The following CCDC82 variants were observed in gnomAD, a reference collection of about 807,000 sequenced individuals.
CCDC82 encodes the protein coiled-coil domain containing 82.
In CCDC82, 47 loss-of-function variants were observed where a neutral mutation model predicts 60.6. That is an observed-to-expected ratio of 0.77 (90% CI 0.61 to 0.99). CCDC82 has a LOEUF of 0.99. Among genes scored for constraint, CCDC82 ranks in the 50% least tolerant of loss-of-function variants. The pLI is 0.00. For synonymous variants in CCDC82, 212 were observed against 207.4 expected (o/e 1.02, Z -0.19); for missense variants, 588 against 633.0 (o/e 0.93, Z 0.76).
At chr11:96,385,345 A>T (rs1866133368) in intron 3 of CCDC82, 1 of 152,444 alleles carries the variant, frequency 6.6e-6, no homozygotes, top group African/African-American at 2.4e-5. Context: ...AAAATGTATA[A>T]AAAAGAGTTT....
In CCDC82 at chr11:96,384,402, T is replaced by A; in HGVS notation, c.346A>T (p.Ile116Phe). 1 of 1,613,844 alleles carries A rather than the reference T, an allele frequency of 6.2e-7. No individual in the cohort carries two copies. Among genetic ancestry groups the A allele is most frequent in the East Asian group, 2.2e-5 (1 of 44,866 alleles). The change falls in exon 4 of 10, where the codon ATC becomes TTC. Residue 116 changes from isoleucine to phenylalanine, a missense_variant. Physicochemically the swap from Ile to Phe is conservative, Grantham distance 21. Coordinates refer to ENST00000646818, the MANE Select transcript of CCDC82 (RefSeq NM_024725.4). Reference protein sequence around the residue: ...GSTYEEETNKIKHRNIDLQDQ... With the variant: ...GSTYEEETNKFKHRNIDLQDQ... ...TGTAAGTCAATATTCCTATGTTTGA[T>A]TTTGTTCGTTTCTTCTTCATATGTT...
chr11:96,384,613 A>G lies in CCDC82; in HGVS notation c.135T>C (p.Asp45=), dbSNP rs2100206240. 1 of 1,613,588 alleles carries G rather than the reference A, an allele frequency of 6.2e-7. No individual in the cohort carries two copies. The highest frequency in any genetic ancestry group is 8.5e-7 in the Non-Finnish European group (1 of 1,179,666). ...CTTCATCACTATCAAATTCTTCACTATCAAGCTCTTCATCACTATCAAGTA... is the reference window on the plus strand; with the variant it reads ...CTTCATCACTATCAAATTCTTCACTGTCAAGCTCTTCATCACTATCAAGTA... The part of the protein sequence containing the change: ...SQLLDSDEEL[D]SEEFDSDEEL... Residue 45 remains aspartate, a synonymous_variant, in exon 4 of 10, where the codon GAT becomes GAC. Coordinates refer to ENST00000646818, the MANE Select transcript of CCDC82 (RefSeq NM_024725.4).
rs562791808 is a variant in CCDC82 at position 96,362,438 on chromosome 11, T to C, written c.1380+2542A>G. ...TTGCCCTTGTTTGGTTTTTTGTTTG[T>C]TTTTTGTACAGACATATTATACAAT... On this transcript the variant is annotated intron_variant, in intron 8 of 9. Coordinates refer to ENST00000646818, the MANE Select transcript of CCDC82 (RefSeq NM_024725.4). 7.9e-5 allele frequency among the ~76,000 whole-genome samples: 12 copies of C among 152,324 alleles called. No homozygotes were observed. The South Asian group carries it at 1.0e-3, about 13-fold the overall frequency.
intron 7 of CCDC82, among the ~76,000 whole-genome samples, chr11:96,369,550 G>C (rs765678419): frequency 6.6e-6 from 1 of 152,158 alleles, no homozygotes; most frequent in Non-Finnish European, 1.5e-5. Flanking sequence ...CCAGTTGGTG[G>C]AGCAGTCAGC....
chr11:96,359,205 C>T (rs777819498), intron 8 of CCDC82, 27 bp from the exon 9 acceptor site: 2 of 1,530,382 alleles, frequency 1.3e-6, no homozygotes, highest in Non-Finnish European at 1.7e-6. Context: ...AGATTGTTAT[C>T]TGACAACGAA....
intron 7 of CCDC82, among the ~76,000 whole-genome samples, chr11:96,366,079 C>T (rs1864930768): frequency 6.6e-6 from 1 of 152,194 alleles, no homozygotes; most frequent in African/African-American, 2.4e-5. Flanking sequence ...GAAATTCAGA[C>T]TGAATAGATA....
rs914336898 is a variant in CCDC82, at chr11:96,371,040, A to G, written c.1182T>C (p.Ser394=). 1.0e-5 allele frequency: 16 copies of G among 1,599,442 alleles called. No individual in the cohort carries two copies. Among genetic ancestry groups the G allele is most frequent in the Non-Finnish European group, 1.4e-5 (16 of 1,173,924 alleles). The change falls in exon 7 of 10, where the codon TCT becomes TCC. Residue 394 remains serine (S), a synonymous_variant. Transcript: ENST00000646818. Reference sequence around the variant, plus strand: ...TATATTGCTCTTTCCAACGACTTCTAGATACCAAGCTCTCTAGACGAGGCT... The same window carrying G: ...TATATTGCTCTTTCCAACGACTTCTGGATACCAAGCTCTCTAGACGAGGCT... ...FVQPRLESLV[S]RSRWKEQYKE...
intron 5 of CCDC82, among the ~76,000 whole-genome samples, chr11:96,379,470 A>G (rs1865757555): frequency 6.6e-6 from 1 of 151,832 alleles, no homozygotes; most frequent in Non-Finnish European, 1.5e-5. Context: ...GAACTTAACA[A>G]TGAGTTCCTA....
intron 5 of CCDC82, chr11:96,380,885 T>A (rs1865842123): frequency 6.6e-6 from 1 of 151,640 alleles, no homozygotes; most frequent in East Asian, 1.9e-4. Context: ...CTACTCTGTA[T>A]GATAGTGTAA....
chr11:96,357,401 T>A lies in CCDC82; in HGVS notation c.1566+1592A>T, dbSNP rs1028822065. On this transcript the variant is annotated intron_variant, in intron 9 of 9. Coordinates refer to ENST00000646818, the MANE Select transcript of CCDC82 (RefSeq NM_024725.4). The stretch of plus-strand genomic sequence containing the variant: ...AATGCCTAATGCTAAATGTTATTCT[T>A]TATGTATAACATGACACTTGGCTTT... The A allele has an allele frequency of 2.3e-5, 23 of 985,344 alleles. No individual in the cohort carries two copies. In the East Asian group the frequency reaches 2.4e-3, roughly 102 times the overall value. The allele number at this position is 985,344 out of a possible 1,614,324, so 61.0% of individuals were successfully genotyped here.
chr11:96,371,191 A>C, intron 6 of CCDC82, 54 bp from the exon 7 acceptor site: 3 of 1,296,046 alleles, frequency 2.3e-6, no homozygotes, highest in Non-Finnish European at 3.1e-6. Flanking sequence ...GAAATATTTA[A>C]ACTATTTAAT....
intron 4 of CCDC82, 125 bp downstream of exon 4, chr11:96,383,837 C>G: frequency 1.1e-6 from 1 of 879,426 alleles, no homozygotes; most frequent in Non-Finnish European, 1.7e-6. Context: ...TTCAAGAATA[C>G]TTGATTAAAA....
In CCDC82 at chr11:96,353,636, T is replaced by C; in HGVS notation, c.*10A>G. 1 of 1,590,116 alleles carries C rather than the reference T, an allele frequency of 6.3e-7. No individual in the cohort carries two copies. Among genetic ancestry groups the C allele is most frequent in the Non-Finnish European group, 8.6e-7 (1 of 1,160,660 alleles). Reference sequence around the variant, plus strand: ...CAGGAATTTAAAAAATCTTCTCTGATGGAAATGTGTTACAACTCAAACTTC... The same window carrying C: ...CAGGAATTTAAAAAATCTTCTCTGACGGAAATGTGTTACAACTCAAACTTC... On this transcript the variant is annotated 3_prime_UTR_variant, in exon 10 of 10. Transcript: ENST00000646818.
intron 7 of CCDC82, among the ~76,000 whole-genome samples, chr11:96,370,092 T>C (rs574484785): frequency 2.2e-3 from 329 of 152,320 alleles, no homozygotes; most frequent in African/African-American, 7.2e-3. Context: ...ACTCTTTCTG[T>C]AATCCTACAC....
intron 9 of CCDC82, chr11:96,356,403 A>C: frequency 1.0e-6 from 1 of 970,562 alleles, no homozygotes; most frequent in Non-Finnish European, 1.2e-6. Context: ...TGTCACTTGT[A>C]ACAGTTTTAC....
intron 5 of CCDC82, among the ~76,000 whole-genome samples, chr11:96,379,353 T>A (rs933703205): frequency 6.6e-6 from 1 of 151,822 alleles, no homozygotes; most frequent in Non-Finnish European, 1.5e-5. Context: ...AATATGTGAA[T>A]TTTTTTCTCT....
intron 8 of CCDC82, 22 bp from the exon 9 acceptor site, chr11:96,359,200 G>T: frequency 6.5e-7 from 1 of 1,538,410 alleles, no homozygotes; most frequent in South Asian, 1.3e-5. Flanking sequence ...AATAAAGATT[G>T]TTATCTGACA....
Position 96,384,518 on chromosome 11 carries a change from T to C in CCDC82, c.230A>G (p.Lys77Arg). 6.2e-7 allele frequency: 1 copy of C among 1,613,812 alleles called. No individual in the cohort carries two copies. The highest frequency in any genetic ancestry group is 1.3e-5 in the African/African-American group (1 of 75,030). The part of the protein sequence containing the change: ...LDSNKGPDCN[K>R]TPGSERELNL... ...GAGCTCTCTTTCACTTCCTGGTGTTTTATTACAATCAGGTCCCTTGTTACT... is the reference window on the plus strand; with the variant it reads ...GAGCTCTCTTTCACTTCCTGGTGTTCTATTACAATCAGGTCCCTTGTTACT... Residue 77 changes from lysine to arginine, a missense_variant, in exon 4 of 10, where the codon AAA becomes AGA. Physicochemically the swap from Lys to Arg is conservative, Grantham distance 26. Transcript: ENST00000646818.
intron 4 of CCDC82, 83 bp downstream of exon 4, chr11:96,383,879 G>T: frequency 1.7e-6 from 2 of 1,210,136 alleles, no homozygotes; most frequent in Admixed American, 2.5e-5. Flanking sequence ...GAAATGGAAC[G>T]GACTCAGCAC....
Sources: gnomAD v4.1 joint callset for allele counts (sites outside exome capture counted in the v4.1 genomes callset) on GRCh38, gnomAD v4.1.1 for gene constraint, MANE v1.5 for transcripts, NCBI Gene and HGNC (gene_info 2026-07-23, HGNC 2026-07-21) for gene names.